DPP8: variants seen among roughly 807,000 people sequenced by gnomAD.
DPP8 encodes the protein dipeptidyl peptidase 8, also known as DPP VIII.
In DPP8, 31 loss-of-function variants were observed where a neutral mutation model predicts 107.5. That is an observed-to-expected ratio of 0.29 (90% CI 0.22 to 0.39). The LOEUF (loss-of-function observed/expected upper bound fraction) is 0.39. Ranked by LOEUF, DPP8 falls within the 10% of genes least tolerant of loss-of-function variation. The pLI is 1.00. For missense variants in DPP8, 842 were observed against 1,076.1 expected, an observed-to-expected ratio of 0.78 and a Z score of 3.04; for synonymous variants, 381 against 356.6, an observed-to-expected ratio of 1.07 and a Z score of -0.77.
rs781229586 is a variant in DPP8 at position 65,466,697 on chromosome 15, G to A, written c.1806C>T (p.Ala602=). The A allele has an allele frequency of 1.2e-6, 2 of 1,614,052 alleles. No homozygotes were observed. The highest frequency in any genetic ancestry group is 4.5e-5 in the East Asian group (2 of 44,872). Residue 602 remains alanine (A), a synonymous_variant, in exon 14 of 20, where the codon GCC becomes GCT. Transcript: ENST00000300141. ...DPTCKTKEFW[A]TILDSAGPLP... ...GAATACCTGCTGAATCCAAAATGGTGGCCCAAAATTCCTTTGTTTTGCAAG... is the reference window on the plus strand; with the variant it reads ...GAATACCTGCTGAATCCAAAATGGTAGCCCAAAATTCCTTTGTTTTGCAAG...
chr15:65,499,182 C>G (rs915782335), intron 4 of DPP8, among the ~76,000 whole-genome samples: 1 of 151,548 alleles, frequency 6.6e-6, no homozygotes, highest in African/African-American at 2.4e-5. Context: ...CTTCCAAAAC[C>G]TCCCTCAGTG....
intron 2 of DPP8, chr15:65,512,024 G>C: frequency 1.7e-6 from 1 of 582,360 alleles, no homozygotes; most frequent in Non-Finnish European, 3.2e-6. Flanking sequence ...TCTAAAGAAA[G>C]GCATTTCAAG....
intron 19 of DPP8, among the ~76,000 whole-genome samples, chr15:65,447,350 AT>A (rs2063552869): frequency 6.6e-6 from 1 of 152,168 alleles, no homozygotes; most frequent in Admixed American, 6.5e-5. Context: ...TTGTGCCAGC[AT>A]TTACAGTGAT....
Position 65,512,413 on chromosome 15 carries a change from C to T in DPP8, c.141G>A (p.Lys47=), listed in dbSNP as rs892774907. 2 of 1,614,114 alleles carry T rather than the reference C, an allele frequency of 1.2e-6. No individual in the cohort carries two copies. The part of the protein sequence containing the change: ...VERYSWSQLK[K]LLADTRKYHG... ...GATATTTTCTGGTATCGGCAAGCAG[C>T]TTTTTAAGCTGACTCCAGGAATACC... is the stretch of plus-strand genomic sequence containing the variant. Residue 47 remains lysine (K), a synonymous_variant, in exon 2 of 20, where the codon AAG becomes AAA. Coordinates refer to ENST00000300141, the MANE Select transcript of DPP8 (RefSeq NM_130434.5).
chr15:65,507,972 T>A (rs1455359076), intron 2 of DPP8, among the ~76,000 whole-genome samples: 1 of 151,750 alleles, frequency 6.6e-6, no homozygotes, highest in Non-Finnish European at 1.5e-5. Context: ...GCGTGGTGGC[T>A]CATGCTTGTA....
At chr15:65,510,982 G>A (rs2070703319) in intron 2 of DPP8, among the ~76,000 whole-genome samples, 1 of 152,180 alleles carries the variant, frequency 6.6e-6, no homozygotes, top group African/African-American at 2.4e-5. Context: ...TATGCATGGA[G>A]AAATAGATAA....
chr15:65,490,253 G>A lies in DPP8; in HGVS notation c.762C>T (p.Thr254=). The change falls in exon 6 of 20, where the codon ACC becomes ACT. Residue 254 remains threonine (T), a synonymous_variant. Coordinates refer to ENST00000300141, the MANE Select transcript of DPP8 (RefSeq NM_130434.5). ...TATCAAATTCTTCTTGGAGAACAAA[G>A]GTAGCGACTCCAGCTGATCTGGCAT... The part of the protein sequence containing the change: ...EEDARSAGVA[T]FVLQEEFDRY... 2 of 1,613,890 alleles carry A rather than the reference G, an allele frequency of 1.2e-6. No individual in the cohort carries two copies. Among genetic ancestry groups the A allele is most frequent in the Admixed American group, 1.7e-5 (1 of 60,006 alleles).
At position 65,445,481 on chromosome 15, in the gene DPP8, TA is replaced by T. The variant is rs1374052600; in HGVS notation, c.*1402del. 6.5e-6 allele frequency: 1 copy of T among 153,278 alleles called. No individual in the cohort carries two copies. The highest frequency in any genetic ancestry group is 1.5e-5 in the Non-Finnish European group (1 of 68,012). The allele number at this position is 153,278 out of a possible 1,614,324, so 9.5% of individuals were successfully genotyped here. On this transcript the variant is annotated 3_prime_UTR_variant, in exon 20 of 20. Transcript: ENST00000300141. ...AAAGCCTATGAGCTCTCTTCATAGC[TA>T]AATCCTAGTGCTAAACCAAGAAAAG...
chr15:65,481,547 A>G lies in DPP8; in HGVS notation c.1086T>C (p.Ile362=). 1 of 1,594,590 alleles carries G rather than the reference A, an allele frequency of 6.3e-7. No individual in the cohort carries two copies. Among genetic ancestry groups the G allele is most frequent in the Non-Finnish European group, 8.5e-7 (1 of 1,171,976 alleles). The change falls in exon 9 of 20, where the codon ATT becomes ATC. Residue 362 remains isoleucine, a synonymous_variant. Coordinates refer to ENST00000300141, the MANE Select transcript of DPP8 (RefSeq NM_130434.5). ...CCTCAGGAGTCCATCCAGCTCTGGCAATATATTCAACTCCTTCAAATAGAA... is the reference window on the plus strand; with the variant it reads ...CCTCAGGAGTCCATCCAGCTCTGGCGATATATTCAACTCCTTCAAATAGAA... ...FEILFEGVEY[I]ARAGWTPEGK...
At chr15:65,492,263 G>C (rs1024450130) in intron 5 of DPP8, among the ~76,000 whole-genome samples, 1 of 152,014 alleles carries the variant, frequency 6.6e-6, no homozygotes, top group Non-Finnish European at 1.5e-5. Flanking sequence ...AATCACTTGA[G>C]TCTGGGAGAA....
chr15:65,499,237 T>A (rs2068941318), intron 4 of DPP8, among the ~76,000 whole-genome samples: 1 of 151,972 alleles, frequency 6.6e-6, no homozygotes, highest in South Asian at 2.1e-4. Flanking sequence ...TTTCCTTTTT[T>A]TTTTTCTCTC....
At chr15:65,478,150 A>G (rs1365665380) in intron 11 of DPP8, among the ~76,000 whole-genome samples, 2 of 152,222 alleles carry the variant, frequency 1.3e-5, no homozygotes, top group Admixed American at 1.3e-4. Context: ...TAATTATATC[A>G]ATCCAAAGAC....
chr15:65,446,255 T>A lies in DPP8; in HGVS notation c.*629A>T, dbSNP rs2063493735. ...ATCAAAGAAAAATGAGAATTATTTA[T>A]ACTAGATACAGATTAAATTGGCTAA... On this transcript the variant is annotated 3_prime_UTR_variant, in exon 20 of 20. Transcript: ENST00000300141. 6.6e-6 allele frequency: 1 copy of A among 152,234 alleles called. No individual in the cohort carries two copies. The highest frequency in any genetic ancestry group is 1.5e-5 in the Non-Finnish European group (1 of 68,020). 9.4% of individuals were successfully genotyped at this position (152,234 alleles called of 1,614,324 possible).
At chr15:65,512,849 A>C in intron 1 of DPP8, 3 of 351,430 alleles carry the variant, frequency 8.5e-6, no homozygotes, top group Non-Finnish European at 1.5e-5. Context: ...TCTTGCCAAA[A>C]CTCCCTTTTC....
intron 19 of DPP8, among the ~76,000 whole-genome samples, chr15:65,449,662 G>A (rs1449628775): frequency 2.6e-5 from 4 of 151,930 alleles, no homozygotes; most frequent in Non-Finnish European, 4.4e-5. Flanking sequence ...CGCCTGCCTC[G>A]GCCTCCCAAA....
chr15:65,514,571 C>T (rs530448463), intron 1 of DPP8, among the ~76,000 whole-genome samples: 2 of 152,246 alleles, frequency 1.3e-5, no homozygotes, highest in East Asian at 1.9e-4. Context: ...TGCAGTGGCG[C>T]GAGATCTCGG....
intron 13 of DPP8, 48 bp from the exon 14 acceptor site, chr15:65,466,861 G>C (rs757264466): frequency 1.9e-6 from 3 of 1,581,378 alleles, no homozygotes; most frequent in Middle Eastern, 3.4e-4. Context: ...AGGTAGAAAA[G>C]GTTATCTGCT....
At chr15:65,512,626 C>A (rs1312757694) in intron 1 of DPP8, 62 bp from the exon 2 acceptor site, 1 of 1,557,768 alleles carries the variant, frequency 6.4e-7, no homozygotes, top group Non-Finnish European at 8.7e-7. Context: ...GAATGATTCT[C>A]TGAGAGGGTC....
rs1433536361 is a variant in DPP8, at chr15:65,443,629, A to G, written c.*3255T>C. On this transcript the variant is annotated 3_prime_UTR_variant, in exon 20 of 20. Transcript: ENST00000300141. ...ATAGAGAGAAAAACTTTCATTCCAA[A>G]ATTAATCTCCAGACAAAGGGGATAG... The G allele has an allele frequency of 1.3e-5, 2 of 152,238 alleles. No homozygotes were observed. Among genetic ancestry groups the G allele is most frequent in the Non-Finnish European group, 1.5e-5 (1 of 68,046 alleles). 9.4% of individuals were successfully genotyped at this position (152,238 alleles called of 1,614,324 possible).
Sources: allele counts gnomAD v4.1 joint callset (sites outside exome capture counted in the v4.1 genomes callset), GRCh38; gene constraint gnomAD v4.1.1; transcripts MANE v1.5; gene names NCBI Gene and HGNC (gene_info 2026-07-23, HGNC 2026-07-21).